ALOX5AP: variants seen among roughly 807,000 people sequenced by gnomAD.
The protein encoded by ALOX5AP is arachidonate 5-lipoxygenase activating protein, also known as arachidonate 5-lipoxygenase-activating protein.
A neutral mutation model predicts 18.5 loss-of-function variants in ALOX5AP; 9 were observed. That is an observed-to-expected ratio of 0.49 (90% CI 0.29 to 0.85). The LOEUF is 0.85. Among genes scored for constraint, ALOX5AP ranks in the 40% least tolerant of loss-of-function variants. ALOX5AP has a pLI of 0.08. For synonymous variants in ALOX5AP, 81 were observed against 78.6 expected, an observed-to-expected ratio of 1.03 and a Z score of -0.16; for missense variants, 172 against 202.5, an observed-to-expected ratio of 0.85 and a Z score of 0.91.
At chr13:30,744,488 T>C (rs1951793134) in intron 2 of ALOX5AP, 2 of 214,592 alleles carry the variant, frequency 9.3e-6, no homozygotes, top group Non-Finnish European at 1.9e-5. Context: ...GTTGCTACTG[T>C]GAACACCAGC....
At chr13:30,724,641 A>C (rs1043929751) in intron 1 of ALOX5AP, among the ~76,000 whole-genome samples, 1 of 152,212 alleles carries the variant, frequency 6.6e-6, no homozygotes, top group Non-Finnish European at 1.5e-5. Flanking sequence ...AAAGATAACT[A>C]TTCGCCTTTT....
intron 1 of ALOX5AP, among the ~76,000 whole-genome samples, chr13:30,737,110 G>T (rs932725828): frequency 6.6e-6 from 1 of 152,224 alleles, no homozygotes; most frequent in Non-Finnish European, 1.5e-5. Context: ...CTCCCCTCTG[G>T]CCTCTCCCCT....
chr13:30,740,440 G>A (rs964785594), intron 1 of ALOX5AP, among the ~76,000 whole-genome samples: 1 of 152,178 alleles, frequency 6.6e-6, no homozygotes, highest in Non-Finnish European at 1.5e-5. Context: ...CCTCACAACG[G>A]TTTGCAGCCA....
intron 1 of ALOX5AP, among the ~76,000 whole-genome samples, chr13:30,743,242 C>T (rs527301930): frequency 1.9e-4 from 29 of 152,128 alleles, no homozygotes; most frequent in African/African-American, 6.3e-4. Context: ...ATGCCTCAAA[C>T]GGCCCCTTAC....
intron 2 of ALOX5AP, among the ~76,000 whole-genome samples, chr13:30,748,696 T>A (rs1951828415): frequency 1.3e-5 from 2 of 152,274 alleles, no homozygotes; most frequent in Admixed American, 1.3e-4. Flanking sequence ...CCACCACTTA[T>A]TGAATGCTTA....
intron 1 of ALOX5AP, among the ~76,000 whole-genome samples, chr13:30,730,316 G>A (rs1365269932): frequency 6.6e-6 from 1 of 152,180 alleles, no homozygotes; most frequent in African/African-American, 2.4e-5. Context: ...TTGTGGCCAG[G>A]GAAGGAGAAA....
intron 4 of ALOX5AP, among the ~76,000 whole-genome samples, chr13:30,757,976 A>G (rs1243054374): frequency 6.6e-6 from 1 of 151,976 alleles, no homozygotes; most frequent in East Asian, 1.9e-4. Flanking sequence ...ATAACCCGCC[A>G]TCTGCGCGGG....
chr13:30,750,284 A>G (rs1410131626), intron 2 of ALOX5AP, among the ~76,000 whole-genome samples: 1 of 152,206 alleles, frequency 6.6e-6, no homozygotes, highest in Non-Finnish European at 1.5e-5. Flanking sequence ...ATCCAGAGAG[A>G]TTGTTTTGCC....
chr13:30,742,044 C>T (rs1160201518), intron 1 of ALOX5AP, among the ~76,000 whole-genome samples: 2 of 152,022 alleles, frequency 1.3e-5, no homozygotes, highest in African/African-American at 4.8e-5. Context: ...CTGGCTGGGC[C>T]TGGCGGCTCA....
Position 30,764,235 on chromosome 13 carries a change from C to T in ALOX5AP, c.*129C>T. 2 of 1,056,692 alleles carry T rather than the reference C, an allele frequency of 1.9e-6. No homozygotes were observed. Among genetic ancestry groups the T allele is most frequent in the Non-Finnish European group, 2.7e-6 (2 of 751,858 alleles). 65.5% of individuals were successfully genotyped at this position (1,056,692 alleles called of 1,614,324 possible). A position where few individuals can be genotyped will look rare whatever the true frequency, so the allele number is the denominator to read the frequency against. On this transcript the variant is annotated 3_prime_UTR_variant, in exon 5 of 5. Transcript: ENST00000380490. Reference sequence around the variant, plus strand: ...TCTATTGGCCATCTGGGCTTCACAGCTTGAGTTAACCTTGCTTTTCCGGGA... The same window carrying T: ...TCTATTGGCCATCTGGGCTTCACAGTTTGAGTTAACCTTGCTTTTCCGGGA...
upstream of ALOX5AP, among the ~76,000 whole-genome samples, chr13:30,735,218 G>T (rs1459959594): frequency 6.6e-6 from 1 of 152,102 alleles, no homozygotes; most frequent in Non-Finnish European, 1.5e-5. Context: ...CTTTGCTGAA[G>T]TCAGAGATGA....
At chr13:30,760,747 GC>G (rs933309618) in intron 4 of ALOX5AP, among the ~76,000 whole-genome samples, 5 of 152,202 alleles carry the variant, frequency 3.3e-5, no homozygotes, top group African/African-American at 1.2e-4. Flanking sequence ...TTTACAATAC[GC>G]CCCCATAGGA....
At chr13:30,723,747 T>C (rs771808064) in intron 1 of ALOX5AP, among the ~76,000 whole-genome samples, 26 of 152,220 alleles carry the variant, frequency 1.7e-4, no homozygotes, top group Non-Finnish European at 3.1e-4. Context: ...CTGAGCTAAC[T>C]AAACATCAAA....
chr13:30,729,568 T>C (rs1951664928), intron 1 of ALOX5AP, among the ~76,000 whole-genome samples: 2 of 141,828 alleles, frequency 1.4e-5, no homozygotes, highest in South Asian at 4.5e-4. Flanking sequence ...AATCCATGTC[T>C]AACCTGTATT....
chr13:30,755,980 T>C lies in ALOX5AP; in HGVS notation c.278T>C (p.Val93Ala). The change falls in exon 4 of 5, where the codon GTG becomes GCG. Residue 93 changes from valine (V) to alanine (A), a missense_variant. Transcript: ENST00000380490. ...TTTGCTGGACTGATGTACTTGTTTG[T>C]GAGGCAAAAGTACTTTGTCGGTTAC... ...AAFAGLMYLF[V>A]RQKYFVGYLG... The C allele has an allele frequency of 6.2e-7, 1 of 1,614,176 alleles. No homozygotes were observed.
chr13:30,737,726 A>G (rs1193738004), intron 1 of ALOX5AP, among the ~76,000 whole-genome samples: 1 of 152,130 alleles, frequency 6.6e-6, no homozygotes, highest in Non-Finnish European at 1.5e-5. Flanking sequence ...CTTAGGAGCC[A>G]GCTGAGGCAA....
chr13:30,736,942 T>C (rs1417115654), intron 1 of ALOX5AP, among the ~76,000 whole-genome samples: 1 of 152,244 alleles, frequency 6.6e-6, no homozygotes, highest in Non-Finnish European at 1.5e-5. Flanking sequence ...ACAGAGACCC[T>C]GCTCTGGCCC....
chr13:30,714,572 T>TGGAGGTG (rs59000904), intron 1 of ALOX5AP, among the ~76,000 whole-genome samples: 14,048 of 46,864 alleles, frequency 0.3, 1,368 homozygotes, highest in African/African-American at 0.42. Flanking sequence ...GAGAGCTTGG[T>TGGAGGTG]GGAGGTGGGA....
At chr13:30,735,805 C>A in intron 1 of ALOX5AP, 130 bp downstream of exon 1, 2 of 1,120,880 alleles carry the variant, frequency 1.8e-6, no homozygotes, top group Non-Finnish European at 1.2e-6. Flanking sequence ...TCTTTATTTT[C>A]TTCTTTTTAT....
Sources: gnomAD v4.1 joint callset for allele counts (sites outside exome capture counted in the v4.1 genomes callset) on GRCh38, gnomAD v4.1.1 for gene constraint, MANE v1.5 for transcripts, NCBI Gene and HGNC (gene_info 2026-07-23, HGNC 2026-07-21) for gene names.